Variants in ERBB4 observed in about 807,000 individuals in gnomAD.
ERBB4 encodes the protein receptor tyrosine-protein kinase erbB-4.
A neutral mutation model predicts 158.0 loss-of-function variants in ERBB4; 42 were observed. The ratio of observed to expected loss-of-function variants is 0.27; its 90% CI spans 0.21 to 0.34. The LOEUF (loss-of-function observed/expected upper bound fraction) is 0.34. Among genes scored for constraint, ERBB4 ranks in the 10% least tolerant of loss-of-function variants. The pLI, the probability that ERBB4 is intolerant of heterozygous loss-of-function variation, is 1.00. For synonymous variants in ERBB4, 583 were observed against 558.7 expected (o/e 1.04, Z -0.61); for missense variants, 1,333 against 1,624.1 (o/e 0.82, Z 3.08).
intron 1 of ERBB4, among the ~76,000 whole-genome samples, chr2:212,404,655 A>T (rs1374074062): frequency 6.6e-6 from 1 of 152,022 alleles, no homozygotes; most frequent in East Asian, 1.9e-4. Flanking sequence ...GATTTTTTTA[A>T]CTTTTATTTT....
chr2:212,184,346 T>A (rs2081955037), intron 1 of ERBB4, among the ~76,000 whole-genome samples: 1 of 152,092 alleles, frequency 6.6e-6, no homozygotes, highest in African/African-American at 2.4e-5. Flanking sequence ...AATCACCCCC[T>A]TCTCACCTTG....
chr2:211,762,287 G>A (rs1488370240), intron 4 of ERBB4, among the ~76,000 whole-genome samples: 1 of 152,152 alleles, frequency 6.6e-6, no homozygotes, highest in African/African-American at 2.4e-5. Context: ...TGACCCCTTA[G>A]AGGCTTTCGC....
At chr2:211,404,631 T>A (rs74765248) in intron 25 of ERBB4, among the ~76,000 whole-genome samples, 111 of 152,080 alleles carry the variant, frequency 7.3e-4, no homozygotes, top group African/African-American at 2.3e-3. Flanking sequence ...CATTTTTTTT[T>A]AATCTTGGTT....
Position 212,009,317 on chromosome 2 carries a change from G to C in ERBB4, c.235-61701C>G, listed in dbSNP as rs1417445980. Among the ~76,000 whole-genome samples, 7 of 151,942 alleles carry C rather than the reference G, an allele frequency of 4.6e-5. No homozygotes were observed. The East Asian group carries it at 1.4e-3, about 29-fold the overall frequency. On this transcript the variant is annotated intron_variant, in intron 2 of 27. Coordinates refer to ENST00000342788, the MANE Select transcript of ERBB4 (RefSeq NM_005235.3). ...AAACAGGTGTCCTTATGAGATAAAA[G>C]CAGAGGAGATTTGAAATACTCAGAG...
intron 12 of ERBB4, among the ~76,000 whole-genome samples, chr2:211,684,065 AC>A (rs1213948756): frequency 1.2e-4 from 18 of 152,256 alleles, no homozygotes; most frequent in African/African-American, 4.1e-4. Context: ...ATTTAGTGCT[AC>A]TTTTTGTTCT....
At chr2:212,512,472 A>G (rs1395191955) in intron 1 of ERBB4, among the ~76,000 whole-genome samples, 1 of 152,106 alleles carries the variant, frequency 6.6e-6, no homozygotes, top group Non-Finnish European at 1.5e-5. Flanking sequence ...GAACCCAATA[A>G]ATAGTATTTA....
At chr2:211,393,519 G>A (rs569476008) in intron 25 of ERBB4, among the ~76,000 whole-genome samples, 12 of 152,162 alleles carry the variant, frequency 7.9e-5, no homozygotes, top group East Asian at 7.7e-4. Flanking sequence ...CTTCCTTTGC[G>A]TTATGCCTCA....
At chr2:212,118,577 CTAA>C (rs2079641733) in intron 2 of ERBB4, among the ~76,000 whole-genome samples, 1 of 151,940 alleles carries the variant, frequency 6.6e-6, no homozygotes, top group Non-Finnish European at 1.5e-5. Flanking sequence ...CATACATATC[CTAA>C]TAAAAGAGGA....
chr2:212,329,604 G>A (rs2088033450), intron 1 of ERBB4, among the ~76,000 whole-genome samples: 1 of 152,098 alleles, frequency 6.6e-6, no homozygotes, highest in Middle Eastern at 3.4e-3. Context: ...GCAACGTCAG[G>A]CTCCAGCCCT....
At chr2:211,937,045 C>T (rs923804793) in intron 3 of ERBB4, among the ~76,000 whole-genome samples, 8 of 152,116 alleles carry the variant, frequency 5.3e-5, no homozygotes, top group Non-Finnish European at 1.2e-4. Flanking sequence ...GAACTTCTAG[C>T]CTATTTGAAT....
chr2:212,287,371 C>T (rs991695367), intron 1 of ERBB4, among the ~76,000 whole-genome samples: 1 of 152,148 alleles, frequency 6.6e-6, no homozygotes, highest in Middle Eastern at 3.4e-3. Flanking sequence ...AGACAGAAAC[C>T]CATATGTAAG....
intron 1 of ERBB4, among the ~76,000 whole-genome samples, chr2:212,230,369 TA>T (rs1298270204): frequency 1.3e-5 from 2 of 152,310 alleles, no homozygotes; most frequent in East Asian, 3.9e-4. Flanking sequence ...CATAATAAAA[TA>T]TGCTACTATC....
At chr2:212,156,249 G>A (rs1444618632) in intron 1 of ERBB4, among the ~76,000 whole-genome samples, 1 of 152,028 alleles carries the variant, frequency 6.6e-6, no homozygotes, top group Non-Finnish European at 1.5e-5. Context: ...ATTCCAATGT[G>A]TTTAAAAGTG....
At position 211,383,572 on chromosome 2, in the gene ERBB4, T is replaced by C; in HGVS notation, c.*43A>G. On this transcript the variant is annotated 3_prime_UTR_variant, in exon 28 of 28. Transcript: ENST00000342788. The stretch of plus-strand genomic sequence containing the variant: ...AGAGAAAGAGAGGGGGGTGGGGAAA[T>C]TGGAGCAGGTGTGTCTCTCCACCTA... 6.5e-7 allele frequency: 1 copy of C among 1,527,396 alleles called. No individual in the cohort carries two copies. The highest frequency in any genetic ancestry group is 9.1e-7 in the Non-Finnish European group (1 of 1,103,718). 94.6% of individuals were successfully genotyped at this position (1,527,396 alleles called of 1,614,324 possible). A position where few individuals can be genotyped will look rare whatever the true frequency, so the allele number is the denominator to read the frequency against.
chr2:212,285,893 T>C (rs918630727), intron 1 of ERBB4, among the ~76,000 whole-genome samples: 1 of 152,208 alleles, frequency 6.6e-6, no homozygotes, highest in Admixed American at 6.5e-5. Flanking sequence ...ATTTCTTGGA[T>C]GATAGGCCCC....
At chr2:212,231,136 G>T (rs2105982489) in intron 1 of ERBB4, among the ~76,000 whole-genome samples, 1 of 152,136 alleles carries the variant, frequency 6.6e-6, no homozygotes, top group Non-Finnish European at 1.5e-5. Context: ...TAACTACTTT[G>T]TTGTTTCAGA....
chr2:212,180,914 C>T (rs1249219220), intron 1 of ERBB4, among the ~76,000 whole-genome samples: 1 of 151,648 alleles, frequency 6.6e-6, no homozygotes, highest in Non-Finnish European at 1.5e-5. Flanking sequence ...ACAGTAATTC[C>T]ATTATACTAA....
intron 3 of ERBB4, among the ~76,000 whole-genome samples, chr2:211,906,428 A>T (rs2079394512): frequency 6.6e-6 from 1 of 152,164 alleles, no homozygotes; most frequent in South Asian, 2.1e-4. Context: ...AGAAGAAAAA[A>T]TCAAGAGTTC....
chr2:212,297,533 T>C (rs1359653027), intron 1 of ERBB4, among the ~76,000 whole-genome samples: 1 of 151,938 alleles, frequency 6.6e-6, no homozygotes, highest in Non-Finnish European at 1.5e-5. Flanking sequence ...TATAAAGGGA[T>C]AATATATCTA....
Sources: allele counts gnomAD v4.1 joint callset (sites outside exome capture counted in the v4.1 genomes callset), GRCh38; gene constraint gnomAD v4.1.1; transcripts MANE v1.5; gene names NCBI Gene and HGNC (gene_info 2026-07-23, HGNC 2026-07-21).